PARD3: variants seen among roughly 807,000 people sequenced by gnomAD.
PARD3 encodes par-3 family cell polarity regulator.
In PARD3, 75 loss-of-function variants were observed where a neutral mutation model predicts 155.4. The ratio of observed to expected loss-of-function variants is 0.48; its 90% CI spans 0.40 to 0.58. The LOEUF (loss-of-function observed/expected upper bound fraction) is 0.58, where lower values mean the gene tolerates loss of function less well. PARD3 is among the 20% of genes least tolerant of loss of function. The pLI, the probability that PARD3 is intolerant of heterozygous loss-of-function variation, is 0.00. For synonymous variants in PARD3, 576 were observed against 610.5 expected (o/e 0.94, Z 0.83); for missense variants, 1,642 against 1,721.7 (o/e 0.95, Z 0.82).
intron 4 of PARD3, among the ~76,000 whole-genome samples, chr10:34,466,962 C>G (rs962812054): frequency 1.3e-5 from 2 of 152,066 alleles, no homozygotes; most frequent in African/African-American, 4.8e-5. Context: ...TTAAGTATAT[C>G]ATATGCGAAT....
intron 2 of PARD3, among the ~76,000 whole-genome samples, chr10:34,565,639 G>A (rs926683589): frequency 4.6e-5 from 7 of 151,956 alleles, no homozygotes; most frequent in African/African-American, 1.2e-4. Context: ...TAAAATCCTC[G>A]TTTTTAAGAA....
chr10:34,397,018 T>C (rs1334467711), intron 7 of PARD3, among the ~76,000 whole-genome samples: 2 of 152,234 alleles, frequency 1.3e-5, no homozygotes, highest in African/African-American at 4.8e-5. Context: ...GTGTGATTTC[T>C]TGGCTATCAC....
chr10:34,260,570 T>A (rs955690143), intron 22 of PARD3, among the ~76,000 whole-genome samples: 1 of 152,074 alleles, frequency 6.6e-6, no homozygotes, highest in Non-Finnish European at 1.5e-5. Flanking sequence ...CTAACATGAA[T>A]GGAGAAGGAG....
rs188418963 is a variant in PARD3, at chr10:34,530,543, G to A, written c.223-13384C>T. On this transcript the variant is annotated intron_variant, in intron 2 of 24. Transcript: ENST00000374788. ...TGAATTTCTCTGAGACTGATATCTT[G>A]AAGTCCTTCATCCCCCACTTTTTTG... Among the ~76,000 whole-genome samples, 11 of 152,208 alleles carry A rather than the reference G, an allele frequency of 7.2e-5. No homozygotes were observed. The East Asian group carries it at 1.4e-3, about 19-fold the overall frequency.
intron 22 of PARD3, among the ~76,000 whole-genome samples, chr10:34,175,491 T>C (rs1949992634): frequency 6.6e-6 from 1 of 152,232 alleles, no homozygotes; most frequent in Non-Finnish European, 1.5e-5. Context: ...ATCATAAACT[T>C]GCACATTTAA....
intron 1 of PARD3, among the ~76,000 whole-genome samples, chr10:34,772,345 A>G (rs1436236709): frequency 1.3e-5 from 2 of 152,000 alleles, no homozygotes; most frequent in Admixed American, 1.3e-4. Context: ...TCAAAAACAA[A>G]TAAAAAATAA....
intron 5 of PARD3, among the ~76,000 whole-genome samples, chr10:34,421,519 T>C (rs1392299222): frequency 6.6e-6 from 1 of 152,094 alleles, no homozygotes; most frequent in Non-Finnish European, 1.5e-5. Context: ...CAGGAATCAC[T>C]ACCGCTTGAA....
At chr10:34,407,008 C>T (rs1217603497) in intron 5 of PARD3, among the ~76,000 whole-genome samples, 1 of 152,108 alleles carries the variant, frequency 6.6e-6, no homozygotes, top group Non-Finnish European at 1.5e-5. Context: ...TCTTATCTTC[C>T]ATATGGCAAG....
In PARD3 at chr10:34,808,459, A is replaced by G. The variant is rs192551786; in HGVS notation, c.120+6417T>C. On this transcript the variant is annotated intron_variant, in intron 1 of 24. Coordinates refer to ENST00000374788, the MANE Select transcript of PARD3 (RefSeq NM_001184785.2). ...CAGAAAAGGTACCCAAAACAGGTAA[A>G]ACTGTATACATTTACTGATGTCCAG... is the stretch of plus-strand genomic sequence containing the variant. Among the ~76,000 whole-genome samples the G allele has an allele frequency of 3.1e-3, 478 of 152,274 alleles. 2 individuals carry two copies. Among genetic ancestry groups the G allele is most frequent in the African/African-American group, 0.011 (443 of 41,548 alleles).
chr10:34,226,033 T>C (rs749913779), intron 22 of PARD3, among the ~76,000 whole-genome samples: 9 of 152,148 alleles, frequency 5.9e-5, no homozygotes, highest in Non-Finnish European at 8.8e-5. Context: ...TGGTAAACCA[T>C]ATATCTATTA....
At chr10:34,211,793 AAAAG>A (rs1951767987) in intron 22 of PARD3, among the ~76,000 whole-genome samples, 1 of 152,066 alleles carries the variant, frequency 6.6e-6, no homozygotes, top group African/African-American at 2.4e-5. Flanking sequence ...AAAAGAAAAA[AAAAG>A]AAAGAAAAAG....
chr10:34,266,577 A>G (rs568549565), intron 22 of PARD3, among the ~76,000 whole-genome samples: 18 of 152,294 alleles, frequency 1.2e-4, no homozygotes, highest in African/African-American at 4.1e-4. Flanking sequence ...CAAATGCATA[A>G]AAGTATCGTA....
At chr10:34,220,034 A>G (rs1952198414) in intron 22 of PARD3, among the ~76,000 whole-genome samples, 1 of 152,230 alleles carries the variant, frequency 6.6e-6, no homozygotes, top group Non-Finnish European at 1.5e-5. Flanking sequence ...TTTATGATTC[A>G]CTGCAGTAGC....
chr10:34,580,809 T>A (rs1314320819), intron 2 of PARD3, among the ~76,000 whole-genome samples: 1 of 152,178 alleles, frequency 6.6e-6, no homozygotes, highest in East Asian at 1.9e-4. Context: ...AACGTATTAT[T>A]CACCACAACT....
intron 2 of PARD3, among the ~76,000 whole-genome samples, chr10:34,668,860 T>A (rs1692517494): frequency 6.6e-6 from 1 of 152,080 alleles, no homozygotes; most frequent in Admixed American, 6.6e-5. Flanking sequence ...CTTATTTGCA[T>A]AATAGGACCT....
chr10:34,229,745 T>C (rs779520694), intron 22 of PARD3, among the ~76,000 whole-genome samples: 2 of 151,964 alleles, frequency 1.3e-5, no homozygotes, highest in Non-Finnish European at 2.9e-5. Flanking sequence ...TTTCTTATGT[T>C]TTCAGTACAC....
At chr10:34,757,169 C>T (rs1247547449) in intron 1 of PARD3, among the ~76,000 whole-genome samples, 1 of 152,188 alleles carries the variant, frequency 6.6e-6, no homozygotes, top group Non-Finnish European at 1.5e-5. Context: ...AACTTCCTCA[C>T]ATCTAAAATA....
rs538636427 is a variant in PARD3, at chr10:34,272,033, C to A, written c.3177-2134G>T. 2.0e-5 allele frequency among the ~76,000 whole-genome samples: 3 copies of A among 152,286 alleles called. No individual in the cohort carries two copies. In the South Asian group the frequency reaches 6.2e-4, roughly 32 times the overall value. Reference sequence around the variant, plus strand: ...TAAGATAGATACGTTGAAAACTACACAATGCTGCAGCAAAAACAATTCAAT... The same window carrying A: ...TAAGATAGATACGTTGAAAACTACAAAATGCTGCAGCAAAAACAATTCAAT... On this transcript the variant is annotated intron_variant, in intron 21 of 24. Coordinates refer to ENST00000374788, the MANE Select transcript of PARD3 (RefSeq NM_001184785.2).
chr10:34,245,056 C>T (rs1333109987), intron 22 of PARD3, among the ~76,000 whole-genome samples: 1 of 147,118 alleles, frequency 6.8e-6, no homozygotes, highest in East Asian at 1.9e-4. Context: ...CGGGAGAACA[C>T]AGGGAAAAGT....
Sources: gnomAD v4.1 joint callset for allele counts (sites outside exome capture counted in the v4.1 genomes callset) on GRCh38, gnomAD v4.1.1 for gene constraint, MANE v1.5 for transcripts, NCBI Gene and HGNC (gene_info 2026-07-23, HGNC 2026-07-21) for gene names.